The following SFSWAP variants were observed in gnomAD, a reference collection of about 807,000 sequenced individuals.
SFSWAP encodes the protein splicing factor SWAP, also known as splicing factor, suppressor of white-apricot homolog.
A neutral mutation model predicts 100.7 loss-of-function variants in SFSWAP; 17 were observed. The observed-to-expected ratio is 0.17, with a 90% confidence interval of 0.12 to 0.25. The LOEUF is 0.25. SFSWAP is among the 10% of genes least tolerant of loss of function. SFSWAP has a pLI of 1.00. For synonymous variants in SFSWAP, 504 were observed against 510.1 expected, an observed-to-expected ratio of 0.99 and a Z score of 0.16; for missense variants, 1,005 against 1,262.6, an observed-to-expected ratio of 0.80 and a Z score of 3.09.
chr12:131,798,050 T>C (rs1029343107), intron 16 of SFSWAP, among the ~76,000 whole-genome samples: 1 of 152,160 alleles, frequency 6.6e-6, no homozygotes, highest in Admixed American at 6.5e-5. Flanking sequence ...AGAGTTAAAA[T>C]GTAAATCAGG....
intron 3 of SFSWAP, among the ~76,000 whole-genome samples, chr12:131,716,325 T>G (rs143601998): frequency 1.1e-4 from 16 of 152,380 alleles, no homozygotes; most frequent in African/African-American, 3.8e-4. Flanking sequence ...ACTTTTTGCA[T>G]TGACTTTCAA....
rs1168573135 is a variant in SFSWAP at position 131,734,500 on chromosome 12, A to C, written c.1081+6072A>C. ...CGGGGCCGCATTGTTGTGTTACCACACTTCTGTTTTAGAGCCTGTTACGGT... is the reference window on the plus strand; with the variant it reads ...CGGGGCCGCATTGTTGTGTTACCACCCTTCTGTTTTAGAGCCTGTTACGGT... On this transcript the variant is annotated intron_variant, in intron 7 of 17. Coordinates refer to ENST00000261674, the MANE Select transcript of SFSWAP (RefSeq NM_004592.4). This position sits in a 1 kb window ranked among gnomAD's most constrained non-coding sequence, Gnocchi z 4.9. Among the ~76,000 whole-genome samples, 2 of 152,152 alleles carry C rather than the reference A, an allele frequency of 1.3e-5. No individual in the cohort carries two copies. The highest frequency in any genetic ancestry group is 2.9e-5 in the Non-Finnish European group (2 of 68,032).
intron 15 of SFSWAP, among the ~76,000 whole-genome samples, chr12:131,793,843 G>A (rs563139135): frequency 3.4e-4 from 51 of 152,230 alleles, no homozygotes; most frequent in Admixed American, 3.3e-3. Flanking sequence ...AGTCAGGGAC[G>A]TGCTGATGCA....
At position 131,734,988 on chromosome 12, in the gene SFSWAP, C is replaced by T. The variant is rs1879867700; in HGVS notation, c.1081+6560C>T. ...AGCGACTGTCCGTGAAGGTGACGCT[C>T]ATACCGTAACCTTAGCAGCAGGCTG... On this transcript the variant is annotated intron_variant, in intron 7 of 17. Coordinates refer to ENST00000261674, the MANE Select transcript of SFSWAP (RefSeq NM_004592.4). The surrounding 1 kb of genome is among the most constrained non-coding windows in gnomAD (Gnocchi z 4.9). 1.3e-5 allele frequency among the ~76,000 whole-genome samples: 2 copies of T among 152,178 alleles called. No homozygotes were observed. Among genetic ancestry groups the T allele is most frequent in the Admixed American group, 6.5e-5 (1 of 15,276 alleles).
intron 7 of SFSWAP, among the ~76,000 whole-genome samples, chr12:131,749,432 G>A (rs1159403035): frequency 2.0e-5 from 3 of 152,232 alleles, no homozygotes; most frequent in South Asian, 2.1e-4. Context: ...AGCCCAGCTT[G>A]TAGATTTTAT....
At chr12:131,784,913 A>G in intron 14 of SFSWAP, 2 of 487,146 alleles carry the variant, frequency 4.1e-6, no homozygotes, top group Admixed American at 4.0e-5. Context: ...CTTAAAAACT[A>G]ACTTATTTTT....
intron 13 of SFSWAP, among the ~76,000 whole-genome samples, chr12:131,766,705 T>C (rs1883149440): frequency 6.6e-6 from 1 of 152,194 alleles, no homozygotes; most frequent in South Asian, 2.1e-4. Flanking sequence ...AGAAATCCTT[T>C]TGCCACGGTC....
At chr12:131,715,091 G>C (rs1256190520) in intron 3 of SFSWAP, 138 bp downstream of exon 3, 2 of 760,026 alleles carry the variant, frequency 2.6e-6, no homozygotes, top group African/African-American at 1.7e-5. Context: ...AAACGGGAGT[G>C]ATATTCCTTC....
intron 10 of SFSWAP, among the ~76,000 whole-genome samples, chr12:131,755,812 G>A (rs1330504815): frequency 1.3e-5 from 2 of 152,238 alleles, no homozygotes; most frequent in African/African-American, 4.8e-5. Flanking sequence ...CCTTGCTTCT[G>A]TTGTGTTAAC....
At chr12:131,774,400 C>T (rs1883850865) in intron 13 of SFSWAP, among the ~76,000 whole-genome samples, 1 of 152,160 alleles carries the variant, frequency 6.6e-6, no homozygotes, top group Admixed American at 6.5e-5. Flanking sequence ...AATACTTCAT[C>T]GTGACACAGG....
intron 11 of SFSWAP, among the ~76,000 whole-genome samples, chr12:131,759,151 ATATAT>A (rs1314255306): frequency 2.0e-5 from 3 of 152,242 alleles, no homozygotes; most frequent in African/African-American, 7.2e-5. Context: ...ATATGAGAAC[ATATAT>A]TATTTTAAAT....
At chr12:131,727,887 G>T (rs1879131932) in intron 6 of SFSWAP, among the ~76,000 whole-genome samples, 1 of 152,206 alleles carries the variant, frequency 6.6e-6, no homozygotes, top group Admixed American at 6.5e-5. Flanking sequence ...CTGGTTTTCA[G>T]CAGTTGTGCA....
chr12:131,751,049 ACTG>A (rs922764001), intron 7 of SFSWAP, among the ~76,000 whole-genome samples: 3 of 152,106 alleles, frequency 2.0e-5, no homozygotes, highest in African/African-American at 7.2e-5. Flanking sequence ...TTTTGCCGGC[ACTG>A]CTATTTTTTT....
At chr12:131,762,597 TTTTG>T (rs1208515514) in intron 11 of SFSWAP, among the ~76,000 whole-genome samples, 1 of 152,122 alleles carries the variant, frequency 6.6e-6, no homozygotes, top group African/African-American at 2.4e-5. Flanking sequence ...TTGTTTTGTT[TTTTG>T]TTTTTTTTGA....
chr12:131,718,348 T>C (rs1211415938), intron 3 of SFSWAP, among the ~76,000 whole-genome samples: 1 of 152,196 alleles, frequency 6.6e-6, no homozygotes, highest in Non-Finnish European at 1.5e-5. Context: ...TGTTTGGAAA[T>C]AAGAACCTCA....
chr12:131,750,357 ATAC>A (rs1881510277), intron 7 of SFSWAP, among the ~76,000 whole-genome samples: 1 of 152,248 alleles, frequency 6.6e-6, no homozygotes, highest in East Asian at 1.9e-4. Context: ...CAAGCAACAC[ATAC>A]TTTATTTCTC....
In SFSWAP at chr12:131,797,309, C is replaced by T. The variant is rs1445917968; in HGVS notation, c.2666C>T (p.Ser889Leu). ...GCCCCCGCGGCCCACTCGGCGCACT[C>T]AGCCAGCGTCTCCCCTGTGGAGAGT... ...PAAPAAHSAH[S>L]ASVSPVESRG... Residue 889 changes from serine (S) to leucine (L), a missense_variant, in exon 16 of 18, where the codon TCA (serine) becomes TTA (leucine). By Grantham distance (145) the Ser-to-Leu change is moderately radical. This residue lies in a region of SFSWAP where 295 missense variants were observed against 347.9 expected (regional missense o/e 0.85). Transcript: ENST00000261674. 2 of 1,611,224 alleles carry T rather than the reference C, an allele frequency of 1.2e-6. No individual in the cohort carries two copies. The highest frequency in any genetic ancestry group is 1.7e-6 in the Non-Finnish European group (2 of 1,178,928).
At chr12:131,791,252 GGT>G (rs1008088960) in intron 15 of SFSWAP, among the ~76,000 whole-genome samples, 2 of 152,120 alleles carry the variant, frequency 1.3e-5, no homozygotes, top group African/African-American at 4.8e-5. Flanking sequence ...AATTAGGTGT[GGT>G]GGCAAGTGCC....
intron 13 of SFSWAP, among the ~76,000 whole-genome samples, chr12:131,776,705 G>C (rs1231027812): frequency 6.6e-6 from 1 of 152,234 alleles, no homozygotes; most frequent in Non-Finnish European, 1.5e-5. Context: ...GGGGCAGCCT[G>C]GGAGACTGGG....
Sources: gnomAD v4.1 joint callset for allele counts (sites outside exome capture counted in the v4.1 genomes callset) on GRCh38, gnomAD v4.1.1 for gene constraint, gnomAD v4.1.1 regional missense constraint, Gnocchi (gnomAD v3.1) non-coding constraint, MANE v1.5 for transcripts, NCBI Gene and HGNC (gene_info 2026-07-23, HGNC 2026-07-21) for gene names.